The following FANCD2OS variants were observed in gnomAD, a reference collection of about 807,000 sequenced individuals.
FANCD2OS encodes FANCD2 opposite strand.
FANCD2OS carries 11 observed loss-of-function variants against 13.2 expected under a neutral mutation model. That is an observed-to-expected ratio of 0.83 (90% CI 0.52 to 1.38). The LOEUF is 1.38. FANCD2OS is among the 40% of genes most tolerant of loss of function. The pLI is 0.00. For synonymous variants in FANCD2OS, 69 were observed against 84.5 expected (o/e 0.82, Z 1.01); for missense variants, 217 against 213.9 (o/e 1.01, Z -0.09).
At chr3:10,087,124 C>T in intron 2 of FANCD2OS, 1 of 1,613,954 alleles carries the variant, frequency 6.2e-7, no homozygotes, top group Non-Finnish European at 8.5e-7. Context: ...TTTTTCTTGT[C>T]TCCTTACAGC....
chr3:10,107,255 A>G (rs557039545), intron 1 of FANCD2OS, among the ~76,000 whole-genome samples: 40 of 151,998 alleles, frequency 2.6e-4, no homozygotes, highest in African/African-American at 9.2e-4. Flanking sequence ...ATGGGATTTA[A>G]AAAAGTATTT....
intron 1 of FANCD2OS, among the ~76,000 whole-genome samples, chr3:10,105,464 T>C (rs1039812374): frequency 3.3e-5 from 5 of 151,872 alleles, no homozygotes; most frequent in African/African-American, 1.2e-4. Context: ...CTTAAAAATA[T>C]TTGTGGCTGG....
downstream of FANCD2OS, chr3:10,101,409 G>A (rs752886865): frequency 1.1e-4 from 65 of 599,042 alleles, no homozygotes; most frequent in Non-Finnish European, 1.7e-4. Flanking sequence ...TTTTAAAGAC[G>A]GGGACTCGCT....
At chr3:10,102,842 CAAA>C (rs781512105), downstream of FANCD2OS, 467 of 67,696 alleles carry the variant, frequency 6.9e-3, no homozygotes, top group South Asian at 0.02. Context: ...GACTCCGTCT[CAAA>C]AAAAAAAAAA....
At chr3:10,100,616 C>T (rs1303166468), downstream of FANCD2OS, among the ~76,000 whole-genome samples, 1 of 152,154 alleles carries the variant, frequency 6.6e-6, no homozygotes, top group East Asian at 1.9e-4. Flanking sequence ...AGATGATCTA[C>T]CCACCTCAGC....
chr3:10,104,230 A>G lies in FANCD2OS; in HGVS notation c.*11T>C. ...CATGGTGTGAGTAAATGGGGATCAA[A>G]TGAGGACCCTTTACTTGGAGTGCTG... On this transcript the variant is annotated 3_prime_UTR_variant, in exon 2 of 2. Coordinates refer to ENST00000450660, the MANE Select transcript of FANCD2OS (RefSeq NM_001164839.2). The G allele has an allele frequency of 6.3e-7, 1 of 1,591,762 alleles. No homozygotes were observed. The highest frequency in any genetic ancestry group is 1.2e-5 in the South Asian group (1 of 86,614).
intron 2 of FANCD2OS, among the ~76,000 whole-genome samples, chr3:10,085,645 C>T (rs1694148343): frequency 6.6e-6 from 1 of 152,054 alleles, no homozygotes; most frequent in Admixed American, 6.6e-5. Context: ...CCGCCTCAGC[C>T]TCCCGAAGTG....
chr3:10,093,739 C>G (rs1197039746), intron 2 of FANCD2OS, among the ~76,000 whole-genome samples: 1 of 152,066 alleles, frequency 6.6e-6, no homozygotes, highest in Admixed American at 6.6e-5. Context: ...CTGTATTAGC[C>G]CTAGATTTGA....
At chr3:10,097,448 A>G (rs1241296391) in intron 2 of FANCD2OS, among the ~76,000 whole-genome samples, 4 of 152,206 alleles carry the variant, frequency 2.6e-5, no homozygotes, top group Non-Finnish European at 5.9e-5. Flanking sequence ...TCTCTTTCTC[A>G]GGGACGTTCC....
chr3:10,106,432 A>T (rs1371752034), intron 1 of FANCD2OS, among the ~76,000 whole-genome samples: 4 of 152,158 alleles, frequency 2.6e-5, no homozygotes, highest in Non-Finnish European at 5.9e-5. Flanking sequence ...AATTTTTTTT[A>T]GCACGTACCT....
chr3:10,108,204 G>C lies in FANCD2OS; in HGVS notation c.-198C>G, dbSNP rs1695555626. 1 of 152,264 alleles carries C rather than the reference G, an allele frequency of 6.6e-6. No homozygotes were observed. Among genetic ancestry groups the C allele is most frequent in the African/African-American group, 2.4e-5 (1 of 41,442 alleles). 9.4% of individuals were successfully genotyped at this position (152,264 alleles called of 1,614,324 possible). A position where few individuals can be genotyped will look rare whatever the true frequency, so the allele number is the denominator to read the frequency against. ...CTGGCTGAGGCGGACGATGCGGTGGGAACCTGGGCCCAGTCCCACCATCCG... is the reference window on the plus strand; with the variant it reads ...CTGGCTGAGGCGGACGATGCGGTGGCAACCTGGGCCCAGTCCCACCATCCG... On this transcript the variant is annotated 5_prime_UTR_variant, in exon 1 of 2. Transcript: ENST00000450660.
downstream of FANCD2OS, chr3:10,101,425 T>C (rs1695295661): frequency 2.2e-5 from 13 of 587,472 alleles, 1 homozygote; most frequent in Admixed American, 3.8e-4. Flanking sequence ...TCGCTGTGTT[T>C]CCCAGGCTGG....
At chr3:10,084,614 T>C (rs1694068568) in intron 2 of FANCD2OS, among the ~76,000 whole-genome samples, 1 of 152,234 alleles carries the variant, frequency 6.6e-6, no homozygotes, top group African/African-American at 2.4e-5. Flanking sequence ...TTCAACATTT[T>C]AAGTACATGA....
chr3:10,096,294 AC>A, intron 2 of FANCD2OS: 1 of 1,612,216 alleles, frequency 6.2e-7, no homozygotes. Context: ...TGATAAACTC[AC>A]AAAAGATGGA....
chr3:10,088,681 A>T, intron 2 of FANCD2OS: 1 of 1,095,550 alleles, frequency 9.1e-7, no homozygotes, highest in South Asian at 1.3e-5. Context: ...CACAATTTGG[A>T]ACATGTGGAT....
chr3:10,099,209 T>G, downstream of FANCD2OS: 15 of 1,370,336 alleles, frequency 1.1e-5, no homozygotes, highest in Non-Finnish European at 1.4e-5. Context: ...TGTGAAAGCA[T>G]TTGGTGAAAG....
chr3:10,101,181 C>T (rs2125105510), downstream of FANCD2OS: 2 of 1,608,392 alleles, frequency 1.2e-6, no homozygotes, highest in Non-Finnish European at 1.7e-6. Context: ...TATTCTTTGC[C>T]CCTTAGGATG....
chr3:10,101,220 A>G (rs1695279907), downstream of FANCD2OS: 2 of 1,613,462 alleles, frequency 1.2e-6, no homozygotes, highest in African/African-American at 2.7e-5. Flanking sequence ...GTGCTGGAGA[A>G]AAGGAGCAAG....
At chr3:10,093,773 T>C (rs1303802410) in intron 2 of FANCD2OS, among the ~76,000 whole-genome samples, 1 of 152,202 alleles carries the variant, frequency 6.6e-6, no homozygotes, top group Non-Finnish European at 1.5e-5. Context: ...CAGAATGTTA[T>C]GGGGAGAATG....
Sources: allele counts gnomAD v4.1 joint callset (sites outside exome capture counted in the v4.1 genomes callset), GRCh38; gene constraint gnomAD v4.1.1; transcripts MANE v1.5; gene names NCBI Gene and HGNC (gene_info 2026-07-23, HGNC 2026-07-21).